Variants in CLMN observed in about 807,000 individuals in gnomAD.
CLMN encodes the protein calmin, also known as calmin (calponin-like, transmembrane).
A neutral mutation model predicts 92.7 loss-of-function variants in CLMN; 57 were observed. The ratio of observed to expected loss-of-function variants is 0.61; its 90% CI spans 0.50 to 0.77. The LOEUF (loss-of-function observed/expected upper bound fraction) is 0.77. Among genes scored for constraint, CLMN ranks in the 30% least tolerant of loss-of-function variants. CLMN has a pLI of 0.00. For missense variants in CLMN, 1,158 were observed against 1,237.5 expected (o/e 0.94, Z 0.96); for synonymous variants, 466 against 470.6 (o/e 0.99, Z 0.13).
chr14:95,300,689 A>G (rs920570173), intron 1 of CLMN, among the ~76,000 whole-genome samples: 1 of 152,194 alleles, frequency 6.6e-6, no homozygotes, highest in Admixed American at 6.5e-5. Context: ...ACTTAAAAAC[A>G]CTACCTTCTC....
At chr14:95,266,760 T>C (rs1473044018) in intron 1 of CLMN, among the ~76,000 whole-genome samples, 3 of 151,992 alleles carry the variant, frequency 2.0e-5, no homozygotes, top group African/African-American at 7.2e-5. Context: ...AAGAACACAG[T>C]TGGAGGCATC....
Position 95,203,418 on chromosome 14 carries a change from G to A in CLMN, c.1931C>T (p.Ser644Leu). The stretch of plus-strand genomic sequence containing the variant: ...ATCCACTGGTGTCTCTTCTGGGGCT[G>A]AAGGACAGCCTTCAGCTTCTTCTCC... Reference protein sequence around the residue: ...DSGEEAEGCPSAPEETPVDKK... With the variant: ...DSGEEAEGCPLAPEETPVDKK... Residue 644 changes from serine (S) to leucine (L), a missense_variant, in exon 9 of 13, where the codon TCA becomes TTA. By Grantham distance (145) the Ser-to-Leu change is moderately radical. Transcript: ENST00000298912. 1.2e-6 allele frequency: 2 copies of A among 1,614,166 alleles called. No homozygotes were observed. Among genetic ancestry groups the A allele is most frequent in the South Asian group, 2.2e-5 (2 of 91,086 alleles).
Position 95,194,351 on chromosome 14 carries a change from A to T in CLMN, c.2769+185T>A. 1.4e-6 allele frequency: 2 copies of T among 1,439,702 alleles called. No homozygotes were observed. The highest frequency in any genetic ancestry group is 2.5e-5 in the East Asian group (1 of 39,658). The allele number at this position is 1,439,702 out of a possible 1,614,324, so 89.2% of individuals were successfully genotyped here. Reference sequence around the variant, plus strand: ...AATCCTCACTTTATTTACATCTCTTATTGCCCAAACCGGATATCCGATCGG... The same window carrying T: ...AATCCTCACTTTATTTACATCTCTTTTTGCCCAAACCGGATATCCGATCGG... On this transcript the variant is annotated intron_variant, in intron 11 of 12. Coordinates refer to ENST00000298912, the MANE Select transcript of CLMN (RefSeq NM_024734.4). The surrounding 1 kb of genome is among the most constrained non-coding windows in gnomAD (Gnocchi z 4.0).
At chr14:95,205,997 CAG>C (rs1381491818) in intron 8 of CLMN, among the ~76,000 whole-genome samples, 1 of 152,084 alleles carries the variant, frequency 6.6e-6, no homozygotes, top group East Asian at 1.9e-4. Context: ...GATTAAATGA[CAG>C]AGTTTGTCAG....
intron 1 of CLMN, among the ~76,000 whole-genome samples, chr14:95,293,450 T>C (rs1475879149): frequency 1.3e-5 from 2 of 150,054 alleles, no homozygotes; most frequent in Non-Finnish European, 3.0e-5. Context: ...CCTCCCTATT[T>C]TCAAGTTTTC....
chr14:95,204,283 G>A lies in CLMN; in HGVS notation c.1066C>T (p.Pro356Ser). The change falls in exon 9 of 13, where the codon CCC (proline) becomes TCC (serine). Residue 356 changes from proline (P) to serine (S), a missense_variant. Pro to Ser is a moderately conservative substitution (Grantham distance 74). Coordinates refer to ENST00000298912, the MANE Select transcript of CLMN (RefSeq NM_024734.4). Reference sequence around the variant, plus strand: ...AGGCGGAATTCCTTCATGCTCTCGGGCTTGTCACAGACAAAGACTTTGGAG... The same window carrying A: ...AGGCGGAATTCCTTCATGCTCTCGGACTTGTCACAGACAAAGACTTTGGAG... Reference protein sequence around the residue: ...PPSKVFVCDKPESMKEFRLDG... With the variant: ...PPSKVFVCDKSESMKEFRLDG... 1 of 1,614,142 alleles carries A rather than the reference G, an allele frequency of 6.2e-7. No homozygotes were observed. Among genetic ancestry groups the A allele is most frequent in the Non-Finnish European group, 8.5e-7 (1 of 1,180,036 alleles).
chr14:95,203,315 G>GTCA lies in CLMN; in HGVS notation c.2031_2033dup (p.Asp678dup). The GTCA allele has an allele frequency of 1.2e-6, 2 of 1,614,136 alleles. No individual in the cohort carries two copies. The highest frequency in any genetic ancestry group is 1.7e-6 in the Non-Finnish European group (2 of 1,180,020). ...ATAATTCCTCGCCCACACCCTGGAG[G>GTCA]TCATCGTCTTCTCCCTCTTCCTCAT... On this transcript the variant is annotated inframe_insertion, in exon 9 of 13. Transcript: ENST00000298912.
At chr14:95,316,820 C>T (rs1288421439) in intron 1 of CLMN, among the ~76,000 whole-genome samples, 11 of 152,198 alleles carry the variant, frequency 7.2e-5, no homozygotes, top group Non-Finnish European at 1.6e-4. Flanking sequence ...TCCCAGGGCC[C>T]CAAGAGAGTC....
At chr14:95,264,480 C>T (rs938124893) in intron 1 of CLMN, among the ~76,000 whole-genome samples, 4 of 152,116 alleles carry the variant, frequency 2.6e-5, no homozygotes, top group Admixed American at 2.0e-4. Flanking sequence ...ATCACAAATC[C>T]ACCATGCTCA....
rs565688506 is a variant in CLMN, at chr14:95,256,521, A to G, written c.83-26388T>C. On this transcript the variant is annotated intron_variant, in intron 1 of 12. Transcript: ENST00000298912. This position sits in a 1 kb window ranked among gnomAD's most constrained non-coding sequence, Gnocchi z 4.9. The stretch of plus-strand genomic sequence containing the variant: ...GAGCTGGCCTCCTGGAGTACCTCCC[A>G]CCTGCTGCTGGGCCCACGGCAGGGT... Among the ~76,000 whole-genome samples, 1 of 152,220 alleles carries G rather than the reference A, an allele frequency of 6.6e-6. No homozygotes were observed. Among genetic ancestry groups the G allele is most frequent in the East Asian group, 1.9e-4 (1 of 5,170 alleles).
At chr14:95,198,037 T>C (rs1298382901) in intron 9 of CLMN, among the ~76,000 whole-genome samples, 1 of 149,016 alleles carries the variant, frequency 6.7e-6, no homozygotes, top group Non-Finnish European at 1.5e-5. Context: ...TATCTTTTTT[T>C]CTTTCTTTTT....
At chr14:95,241,880 C>T (rs1204069375) in intron 1 of CLMN, among the ~76,000 whole-genome samples, 2 of 152,116 alleles carry the variant, frequency 1.3e-5, no homozygotes, top group African/African-American at 4.8e-5. Flanking sequence ...ACACTCTCGC[C>T]GTAATGTCAA....
At position 95,191,352 on chromosome 14, in the gene CLMN, T is replaced by A. The variant is rs1453442598; in HGVS notation, c.*212A>T. 1 of 400,084 alleles carries A rather than the reference T, an allele frequency of 2.5e-6. No homozygotes were observed. Among genetic ancestry groups the A allele is most frequent in the Non-Finnish European group, 4.3e-6 (1 of 231,130 alleles). 24.8% of individuals were successfully genotyped at this position (400,084 alleles called of 1,614,324 possible). A position where few individuals can be genotyped will look rare whatever the true frequency, so the allele number is the denominator to read the frequency against. On this transcript the variant is annotated 3_prime_UTR_variant, in exon 13 of 13. Coordinates refer to ENST00000298912, the MANE Select transcript of CLMN (RefSeq NM_024734.4). The surrounding 1 kb of genome is among the most constrained non-coding windows in gnomAD (Gnocchi z 5.3). ...TCCAGCTGCATGCCTGAGTTTTGAGTACACAGCCAAAGAAAAAAGCATGCT... is the reference window on the plus strand; with the variant it reads ...TCCAGCTGCATGCCTGAGTTTTGAGAACACAGCCAAAGAAAAAAGCATGCT...
intron 1 of CLMN, among the ~76,000 whole-genome samples, chr14:95,301,561 G>T (rs898172649): frequency 6.6e-6 from 1 of 152,196 alleles, no homozygotes; most frequent in Non-Finnish European, 1.5e-5. Context: ...AAGGGAAAAT[G>T]AATCCAAAAG....
At chr14:95,295,197 C>T (rs1900753239) in intron 1 of CLMN, among the ~76,000 whole-genome samples, 1 of 152,184 alleles carries the variant, frequency 6.6e-6, no homozygotes, top group Non-Finnish European at 1.5e-5. Flanking sequence ...AGGGTGGAGG[C>T]CACTGCTCCT....
At chr14:95,308,565 G>A (rs1458236745) in intron 1 of CLMN, among the ~76,000 whole-genome samples, 1 of 152,114 alleles carries the variant, frequency 6.6e-6, no homozygotes, top group Non-Finnish European at 1.5e-5. Flanking sequence ...TCTCAGGGCT[G>A]ATAATAATGC....
chr14:95,263,984 A>T (rs767271885), intron 1 of CLMN, among the ~76,000 whole-genome samples: 2 of 151,728 alleles, frequency 1.3e-5, no homozygotes, highest in Non-Finnish European at 2.9e-5. Context: ...CAACACACCT[A>T]CCTTATTACT....
At chr14:95,209,866 G>A (rs975871308) in intron 7 of CLMN, among the ~76,000 whole-genome samples, 2 of 152,154 alleles carry the variant, frequency 1.3e-5, no homozygotes, top group African/African-American at 2.4e-5. Context: ...CACAGAGATA[G>A]CCAAACCCTT....
intron 9 of CLMN, among the ~76,000 whole-genome samples, chr14:95,197,390 GAAAGAAA>G (rs1896749451): frequency 6.8e-6 from 1 of 148,132 alleles, no homozygotes; most frequent in East Asian, 2.0e-4. Flanking sequence ...GATAGAGAGA[GAAAGAAA>G]AAAGAAAAAA....
Sources: gnomAD v4.1 joint callset for allele counts (sites outside exome capture counted in the v4.1 genomes callset) on GRCh38, gnomAD v4.1.1 for gene constraint, Gnocchi (gnomAD v3.1) non-coding constraint, MANE v1.5 for transcripts, NCBI Gene and HGNC (gene_info 2026-07-23, HGNC 2026-07-21) for gene names.